TBL1X: variants seen among roughly 807,000 people sequenced by gnomAD.
The protein encoded by TBL1X is F-box-like/WD repeat-containing protein TBL1X.
A neutral mutation model predicts 50.7 loss-of-function variants in TBL1X; 10 were observed. That is an observed-to-expected ratio of 0.20 (90% CI 0.12 to 0.33). The LOEUF is 0.33. Ranked by LOEUF, TBL1X falls within the 10% of genes least tolerant of loss-of-function variation. TBL1X has a pLI of 1.00. For synonymous variants in TBL1X, 190 were observed against 214.7 expected, an observed-to-expected ratio of 0.88 and a Z score of 1.01; for missense variants, 340 against 504.4, an observed-to-expected ratio of 0.67 and a Z score of 3.12.
At chrX:9,689,712 C>T (rs1322111925) in intron 7 of TBL1X, among the ~76,000 whole-genome samples, 1 of 112,680 alleles carries the variant, frequency 8.9e-6, no homozygotes, top group African/African-American at 3.2e-5. Context: ...TCACTCCTGC[C>T]TGGAGTTACC....
intron 2 of TBL1X, among the ~76,000 whole-genome samples, chrX:9,634,191 T>G (rs1486352996): frequency 1.8e-5 from 2 of 111,211 alleles, no homozygotes; most frequent in Admixed American, 1.9e-4. Flanking sequence ...CGGCAGAACC[T>G]CATGGTGACA....
intron 2 of TBL1X, among the ~76,000 whole-genome samples, chrX:9,531,390 TG>T (rs1263791774): frequency 3.7e-5 from 4 of 107,628 alleles, no homozygotes; most frequent in Non-Finnish European, 5.8e-5. Flanking sequence ...TGTGTGTGTG[TG>T]TGTGTGTGTG....
At chrX:9,687,472 C>T (rs2083066592) in intron 6 of TBL1X, among the ~76,000 whole-genome samples, 2 of 111,184 alleles carry the variant, frequency 1.8e-5, no homozygotes, top group Non-Finnish European at 3.8e-5. Context: ...CGCGATAGCA[C>T]GTGGGCAGGT....
intron 2 of TBL1X, chrX:9,639,766 C>T (rs997014458): frequency 3.6e-5 from 4 of 111,377 alleles, no homozygotes; most frequent in Non-Finnish European, 5.6e-5. Flanking sequence ...TATATGCACA[C>T]AAATGTGCCT....
intron 2 of TBL1X, among the ~76,000 whole-genome samples, chrX:9,522,313 C>T (rs768177583): frequency 8.9e-6 from 1 of 111,780 alleles, no homozygotes; most frequent in African/African-American, 3.3e-5. Context: ...GCCACAATGC[C>T]CAGCCTAAAT....
chrX:9,700,577 A>G (rs2083163724), intron 12 of TBL1X, among the ~76,000 whole-genome samples: 1 of 111,316 alleles, frequency 9.0e-6, no homozygotes, highest in Non-Finnish European at 1.9e-5. Flanking sequence ...TTTGGTGTCA[A>G]TCAGTGTGTT....
intron 2 of TBL1X, among the ~76,000 whole-genome samples, chrX:9,564,368 G>A (rs937369353): frequency 2.1e-4 from 23 of 111,941 alleles, no homozygotes; most frequent in Non-Finnish European, 4.3e-4. Context: ...ACAGAAAGAG[G>A]CAGAAGGAAT....
At chrX:9,619,932 C>T (rs938142606) in intron 2 of TBL1X, among the ~76,000 whole-genome samples, 84 of 112,591 alleles carry the variant, frequency 7.5e-4, no homozygotes, top group African/African-American at 2.6e-3. Flanking sequence ...GACGCCTTTA[C>T]AAGAACTAGT....
intron 5 of TBL1X, among the ~76,000 whole-genome samples, chrX:9,674,592 C>G (rs1367326078): frequency 2.0e-5 from 2 of 102,165 alleles, no homozygotes; most frequent in Non-Finnish European, 3.9e-5. Context: ...GACAGAGTCT[C>G]TCTCTGTTGG....
intron 1 of TBL1X, among the ~76,000 whole-genome samples, chrX:9,468,812 G>A (rs911246810): frequency 9.1e-6 from 1 of 110,184 alleles, no homozygotes. Context: ...TTGTATTAAA[G>A]GAGATAGAGT....
intron 2 of TBL1X, among the ~76,000 whole-genome samples, chrX:9,622,011 A>C (rs888675443): frequency 8.9e-6 from 1 of 112,061 alleles, no homozygotes; most frequent in East Asian, 2.8e-4. Context: ...AATCTGGCTT[A>C]ATATATTCTT....
At chrX:9,573,262 C>G (rs191040710) in intron 2 of TBL1X, among the ~76,000 whole-genome samples, 70 of 112,171 alleles carry the variant, frequency 6.2e-4, no homozygotes, top group African/African-American at 2.2e-3. Context: ...TAAAAGCCTT[C>G]CTATTAGAAG....
intron 2 of TBL1X, among the ~76,000 whole-genome samples, chrX:9,614,334 G>A (rs2082629331): frequency 9.0e-6 from 1 of 111,562 alleles, no homozygotes; most frequent in African/African-American, 3.3e-5. Flanking sequence ...TTGGGAGGCT[G>A]AGTCAGGAGG....
intron 2 of TBL1X, among the ~76,000 whole-genome samples, chrX:9,590,712 G>A (rs1386917584): frequency 1.8e-5 from 2 of 111,639 alleles, no homozygotes; most frequent in Non-Finnish European, 1.9e-5. Context: ...TTAAAGTTTT[G>A]GTGTTTGTTG....
intron 2 of TBL1X, among the ~76,000 whole-genome samples, chrX:9,519,186 A>C (rs750382721): frequency 8.2e-4 from 92 of 112,196 alleles, no homozygotes; most frequent in Non-Finnish European, 7.5e-4. Context: ...ATGGAATGCC[A>C]CAATGTACAG....
chrX:9,642,145 A>G (rs1055631973), intron 3 of TBL1X, among the ~76,000 whole-genome samples: 2 of 111,721 alleles, frequency 1.8e-5, no homozygotes, highest in African/African-American at 6.5e-5. Flanking sequence ...GTATTAGTTC[A>G]GTACTTTGGG....
chrX:9,497,014 A>G (rs185879219), intron 1 of TBL1X, among the ~76,000 whole-genome samples: 11 of 112,144 alleles, frequency 9.8e-5, no homozygotes, highest in Admixed American at 8.5e-4. Context: ...TTATGATTAT[A>G]GCATCTGAAG....
In TBL1X at chrX:9,688,035, G is replaced by A. The variant is rs1274251866; in HGVS notation, c.376G>A (p.Gly126Ser). Residue 126 changes from glycine to serine, a missense_variant, in exon 7 of 18, where the codon GGC (glycine) becomes AGC (serine). Coordinates refer to ENST00000645353, the MANE Select transcript of TBL1X (RefSeq NM_005647.4). ...TCCCCAGGATGGCACAGTGTTCGAC[G>A]GCCGCCCCATAGAGTCCCTGTCACT... ...SINEDGTVFD[G>S]RPIESLSLID... 7 of 1,205,769 alleles carry A rather than the reference G, an allele frequency of 5.8e-6. No individual in the cohort carries two copies. The highest frequency in any genetic ancestry group is 3.5e-5 in the African/African-American group (2 of 57,073).
At chrX:9,522,675 C>G (rs764859462) in intron 2 of TBL1X, among the ~76,000 whole-genome samples, 1 of 111,717 alleles carries the variant, frequency 9.0e-6, no homozygotes, top group African/African-American at 3.3e-5. Flanking sequence ...CTTGGATGCT[C>G]GAGAGTTCTT....
Sources: gnomAD v4.1 joint callset for allele counts (sites outside exome capture counted in the v4.1 genomes callset) on GRCh38, gnomAD v4.1.1 for gene constraint, MANE v1.5 for transcripts, NCBI Gene and HGNC (gene_info 2026-07-23, HGNC 2026-07-21) for gene names.